LINGO2: variants seen among roughly 807,000 people sequenced by gnomAD.
The protein encoded by LINGO2 is leucine rich repeat and Ig domain containing 2, also known as leucine-rich repeat and immunoglobulin-like domain-containing nogo receptor-interacting protein 2.
In LINGO2, 14 loss-of-function variants were observed where a neutral mutation model predicts 30.6. The observed-to-expected ratio is 0.46, with a 90% CI of 0.30 to 0.72. The LOEUF is 0.72. Among genes scored for constraint, LINGO2 ranks in the 30% least tolerant of loss-of-function variants. The pLI is 0.07. For missense variants in LINGO2, 729 were observed against 751.7 expected (o/e 0.97, Z 0.35); for synonymous variants, 317 against 288.5 (o/e 1.10, Z -1.00).
the LINGO2 span, among the ~76,000 whole-genome samples, chr9:28,951,720 C>A: frequency 6.6e-6 from 1 of 152,030 alleles, no homozygotes; most frequent in Non-Finnish European, 1.5e-5. Flanking sequence ...CCCAGTGCCC[C>A]AGCTTTTCAT....
intron 2 of LINGO2, among the ~76,000 whole-genome samples, chr9:28,409,270 A>G (rs1419343325): frequency 6.6e-6 from 1 of 152,148 alleles, no homozygotes; most frequent in African/African-American, 2.4e-5. Context: ...ATACATTTAC[A>G]TAGAGTTCAG....
chr9:28,557,479 T>C (rs924066428), intron 1 of LINGO2, among the ~76,000 whole-genome samples: 3 of 152,038 alleles, frequency 2.0e-5, no homozygotes, highest in African/African-American at 7.2e-5. Context: ...ATGGCGATCA[T>C]TAAAAAGTCA....
chr9:28,746,168 A>C, the LINGO2 span, among the ~76,000 whole-genome samples: 1 of 152,148 alleles, frequency 6.6e-6, no homozygotes, highest in African/African-American at 2.4e-5. Flanking sequence ...CACCTCTAAA[A>C]ATTTAAAATA....
chr9:28,934,096 A>G, the LINGO2 span, among the ~76,000 whole-genome samples: 2,672 of 152,324 alleles, frequency 0.018, 85 homozygotes, highest in African/African-American at 0.06. Context: ...ACTGGGGGAA[A>G]AATGGATCCA....
the LINGO2 span, among the ~76,000 whole-genome samples, chr9:29,189,008 G>A: frequency 7.1e-6 from 1 of 140,828 alleles, no homozygotes; most frequent in African/African-American, 2.9e-5. Flanking sequence ...CGGGCGGGGG[G>A]CTGACCCCCC....
chr9:29,126,754 T>G, the LINGO2 span, among the ~76,000 whole-genome samples: 1 of 152,080 alleles, frequency 6.6e-6, no homozygotes, highest in East Asian at 1.9e-4. Context: ...GCTGGAAATA[T>G]AAGATTTTGC....
At chr9:28,390,697 G>A (rs1224938783) in intron 2 of LINGO2, among the ~76,000 whole-genome samples, 1 of 152,126 alleles carries the variant, frequency 6.6e-6, no homozygotes. Flanking sequence ...CCTGCAAAAT[G>A]GGGATAATAC....
intron 4 of LINGO2, among the ~76,000 whole-genome samples, chr9:28,056,910 C>G (rs2093715077): frequency 6.6e-6 from 1 of 152,054 alleles, no homozygotes; most frequent in South Asian, 2.1e-4. Flanking sequence ...ATTAAGCATG[C>G]TACATAATTG....
At chr9:28,004,426 T>A (rs1822153489) in intron 5 of LINGO2, among the ~76,000 whole-genome samples, 4 of 152,314 alleles carry the variant, frequency 2.6e-5, no homozygotes, top group Admixed American at 2.0e-4. Context: ...AAAAGTTAAT[T>A]GAATTGCATT....
exon 6 of LINGO2, chr9:27,950,318 C>G: frequency 6.2e-7 from 1 of 1,614,122 alleles, no homozygotes; most frequent in Non-Finnish European, 8.5e-7. Context: ...AAGGGACCAG[C>G]TTTAGACGAT....
chr9:28,271,172 A>G (rs1822926230), intron 4 of LINGO2, among the ~76,000 whole-genome samples: 1 of 151,918 alleles, frequency 6.6e-6, no homozygotes, highest in Non-Finnish European at 1.5e-5. Context: ...AAAAAAACAC[A>G]AAAAACTTAG....
chr9:29,176,081 A>G, the LINGO2 span, among the ~76,000 whole-genome samples: 1 of 152,262 alleles, frequency 6.6e-6, no homozygotes, highest in East Asian at 1.9e-4. Flanking sequence ...AGAGACAGAT[A>G]TTTACTGAGC....
the LINGO2 span, among the ~76,000 whole-genome samples, chr9:29,087,913 T>A: frequency 6.6e-6 from 1 of 152,238 alleles, no homozygotes; most frequent in East Asian, 1.9e-4. Context: ...TAATGATACC[T>A]ACCTCATAAA....
chr9:28,188,284 T>A (rs1819615267), intron 4 of LINGO2, among the ~76,000 whole-genome samples: 1 of 37,790 alleles, frequency 2.6e-5, no homozygotes, highest in Non-Finnish European at 5.6e-5. Context: ...ATAGTCCACA[T>A]AATAATTGCT....
the LINGO2 span, among the ~76,000 whole-genome samples, chr9:29,183,735 T>C: frequency 0.65 from 98,967 of 151,340 alleles, 32,677 homozygotes; most frequent in East Asian, 0.82. Flanking sequence ...TCATGTTCTG[T>C]TCACATAAAG....
chr9:28,486,015 C>T (rs1826150873), intron 1 of LINGO2, among the ~76,000 whole-genome samples: 1 of 152,012 alleles, frequency 6.6e-6, no homozygotes, highest in Admixed American at 6.6e-5. Flanking sequence ...ATTATGGAGC[C>T]AGGTGACACA....
At chr9:28,632,732 C>T (rs868674249) in intron 1 of LINGO2, among the ~76,000 whole-genome samples, 28 of 124,926 alleles carry the variant, frequency 2.2e-4, no homozygotes, top group African/African-American at 7.5e-4. Flanking sequence ...ATATATAGAT[C>T]TATATATTTA....
rs1824557932 is a variant in LINGO2, at chr9:28,049,162, G to GC, written c.-86-36758_-86-36757insG. On this transcript the variant is annotated intron_variant, in intron 4 of 5. Coordinates refer to ENST00000379992, the Ensembl canonical transcript of LINGO2. ...TTTATCCTAGTCAGCAATGCATCATGGGACAACATCAAGAGCTCTGTGGCC... is the reference window on the plus strand; with the variant it reads ...TTTATCCTAGTCAGCAATGCATCATGCGGACAACATCAAGAGCTCTGTGGCC... Among the ~76,000 whole-genome samples the GC allele has an allele frequency of 1.7e-4, 26 of 150,778 alleles. 2 individuals carry two copies. Among genetic ancestry groups the GC allele is most frequent in the Admixed American group, 1.3e-3 (19 of 15,016 alleles).
chr9:28,698,203 T>TAA, the LINGO2 span, among the ~76,000 whole-genome samples: 1 of 152,078 alleles, frequency 6.6e-6, no homozygotes, highest in African/African-American at 2.4e-5. Flanking sequence ...GCTTTTTACT[T>TAA]ACACGATAAA....
Sources: gnomAD v4.1 joint callset for allele counts (sites outside exome capture counted in the v4.1 genomes callset) on GRCh38, gnomAD v4.1.1 for gene constraint, MANE v1.5 for transcripts, NCBI Gene and HGNC (gene_info 2026-07-23, HGNC 2026-07-21) for gene names.